The following SFMBT2 variants were observed in gnomAD, a reference collection of about 807,000 sequenced individuals.
SFMBT2 encodes the protein Scm like with four mbt domains 2.
In SFMBT2, 38 loss-of-function variants were observed where a neutral mutation model predicts 110.1. The observed-to-expected ratio is 0.35, with a 90% confidence interval of 0.27 to 0.45. The LOEUF is 0.45. SFMBT2 is among the 20% of genes least tolerant of loss of function. The pLI, the probability that SFMBT2 is intolerant of heterozygous loss-of-function variation, is 1.00. For synonymous variants in SFMBT2, 425 were observed against 425.4 expected (o/e 1.00, Z 0.01); for missense variants, 1,011 against 1,094.9 (o/e 0.92, Z 1.08).
At chr10:7,176,227 G>A (rs892618517) in intron 16 of SFMBT2, 62 bp from the exon 17 acceptor site, 20 of 1,512,336 alleles carry the variant, frequency 1.3e-5, no homozygotes, top group Non-Finnish European at 1.7e-5. Context: ...GGCCTATTCT[G>A]TACCACACAT....
intron 9 of SFMBT2, among the ~76,000 whole-genome samples, chr10:7,234,894 A>G (rs899853743): frequency 6.6e-6 from 1 of 152,234 alleles, no homozygotes; most frequent in African/African-American, 2.4e-5. Flanking sequence ...GATGAGCAGG[A>G]GGACCCGAGG....
intron 1 of SFMBT2, among the ~76,000 whole-genome samples, chr10:7,407,548 C>T (rs1354599292): frequency 1.3e-5 from 2 of 152,044 alleles, no homozygotes; most frequent in African/African-American, 2.4e-5. Flanking sequence ...GCCCCGGAAC[C>T]CCAAACCCGG....
intron 5 of SFMBT2, chr10:7,284,766 G>C (rs554184140): frequency 5.1e-6 from 1 of 195,608 alleles, no homozygotes; most frequent in African/African-American, 2.3e-5. Context: ...TTGGTTTACA[G>C]AATGTATAAT....
At chr10:7,368,505 G>A (rs1844974081) in intron 3 of SFMBT2, 1 of 237,232 alleles carries the variant, frequency 4.2e-6, no homozygotes, top group Non-Finnish European at 6.9e-6. Flanking sequence ...AATCACACTT[G>A]CATGGGTCTG....
At chr10:7,324,759 A>C (rs1360380385) in intron 4 of SFMBT2, among the ~76,000 whole-genome samples, 2 of 152,144 alleles carry the variant, frequency 1.3e-5, no homozygotes, top group African/African-American at 4.8e-5. Flanking sequence ...TTTCACTCGG[A>C]GGCCTCTCCT....
intron 7 of SFMBT2, 132 bp from the exon 8 acceptor site, chr10:7,248,781 G>A (rs1053324391): frequency 1.7e-5 from 12 of 725,384 alleles, no homozygotes; most frequent in Admixed American, 1.4e-4. Flanking sequence ...TCCCTGTTTC[G>A]AATTTCTAAT....
chr10:7,363,897 A>C (rs1844807444), intron 4 of SFMBT2, among the ~76,000 whole-genome samples: 1 of 152,076 alleles, frequency 6.6e-6, no homozygotes, highest in African/African-American at 2.4e-5. Context: ...TCCCAAACAG[A>C]AACATCATAC....
chr10:7,334,572 AGACC>A (rs1843660240), intron 4 of SFMBT2, among the ~76,000 whole-genome samples: 1 of 152,250 alleles, frequency 6.6e-6, no homozygotes, highest in African/African-American at 2.4e-5. Flanking sequence ...GATCATACTC[AGACC>A]TTATAAGTGA....
intron 11 of SFMBT2, among the ~76,000 whole-genome samples, chr10:7,218,581 T>C (rs1273639628): frequency 2.0e-5 from 3 of 152,232 alleles, no homozygotes; most frequent in African/African-American, 7.2e-5. Context: ...TTTTCTGATC[T>C]GTTTCCTAAC....
At chr10:7,209,567 T>C (rs763555565) in intron 11 of SFMBT2, among the ~76,000 whole-genome samples, 1 of 152,254 alleles carries the variant, frequency 6.6e-6, no homozygotes, top group African/African-American at 2.4e-5. Context: ...CCTCTTAATA[T>C]ACTCAGATGT....
chr10:7,401,954 C>T (rs914615883), intron 1 of SFMBT2, among the ~76,000 whole-genome samples: 2 of 152,112 alleles, frequency 1.3e-5, no homozygotes, highest in East Asian at 3.8e-4. Flanking sequence ...GAATGTCTGT[C>T]TTTAATTGAA....
At chr10:7,249,874 T>C (rs561586070) in intron 7 of SFMBT2, among the ~76,000 whole-genome samples, 1 of 152,330 alleles carries the variant, frequency 6.6e-6, no homozygotes, top group South Asian at 2.1e-4. Flanking sequence ...CAAAGGTCTC[T>C]GTTTTGGGGG....
intron 10 of SFMBT2, among the ~76,000 whole-genome samples, chr10:7,226,182 CA>C (rs1218154560): frequency 2.6e-5 from 4 of 152,336 alleles, no homozygotes; most frequent in Non-Finnish European, 1.5e-5. Flanking sequence ...CTCCCCGGAT[CA>C]TGCAGGTGCC....
intron 14 of SFMBT2, chr10:7,197,904 C>T: frequency 2.2e-6 from 2 of 907,500 alleles, no homozygotes; most frequent in Non-Finnish European, 2.6e-6. Flanking sequence ...AATTAGGAGG[C>T]CACACTCTAG....
At chr10:7,349,440 C>CTTTTCTTTTTTT (rs1554808159) in intron 4 of SFMBT2, among the ~76,000 whole-genome samples, 3 of 46,888 alleles carry the variant, frequency 6.4e-5, no homozygotes, top group East Asian at 7.7e-4. Flanking sequence ...CTTTTCTTTT[C>CTTTTCTTTTTTT]TTTTTTTTTT....
chr10:7,232,372 C>T (rs558732343), intron 9 of SFMBT2, among the ~76,000 whole-genome samples: 21 of 151,954 alleles, frequency 1.4e-4, no homozygotes, highest in Middle Eastern at 3.4e-3. Context: ...AAAAATGACC[C>T]TAAAAACTGA....
intron 7 of SFMBT2, among the ~76,000 whole-genome samples, chr10:7,257,123 G>GAGGGGAGAGGAAAGA: frequency 7.7e-6 from 1 of 129,232 alleles, no homozygotes; most frequent in Non-Finnish European, 1.8e-5. Flanking sequence ...GAGGGGAGGG[G>GAGGGGAGAGGAAAGA]AAAGAAAAGA....
rs945184635 is a variant in SFMBT2, at chr10:7,227,635, G to A, written c.1203+220C>T. The stretch of plus-strand genomic sequence containing the variant: ...GGCCATCACCTTTTAGCATGTTCCA[G>A]CCACTGTGCATTTATTAGTCAATTT... On this transcript the variant is annotated intron_variant, in intron 10 of 20. Coordinates refer to ENST00000397167, the MANE Select transcript of SFMBT2 (RefSeq NM_001387889.1). 3.3e-4 allele frequency among the ~76,000 whole-genome samples: 50 copies of A among 152,148 alleles called. 1 individual carries two copies. The highest frequency in any genetic ancestry group is 3.1e-3 in the Admixed American group (48 of 15,276).
chr10:7,265,079 T>C lies in SFMBT2; in HGVS notation c.870+11813A>G, dbSNP rs574684857. Among the ~76,000 whole-genome samples the C allele has an allele frequency of 9.2e-5, 14 of 152,204 alleles. No homozygotes were observed. The East Asian group carries it at 1.2e-3, about 13-fold the overall frequency. ...TGGAACATGATTTGTTTTTGTTTTG[T>C]TTTTTTAATGCTGAGATTTTAATTT... On this transcript the variant is annotated intron_variant, in intron 7 of 20. Transcript: ENST00000397167.
Sources: allele counts gnomAD v4.1 joint callset (sites outside exome capture counted in the v4.1 genomes callset), GRCh38; gene constraint gnomAD v4.1.1; transcripts MANE v1.5; gene names NCBI Gene and HGNC (gene_info 2026-07-23, HGNC 2026-07-21).